The following FMR1 variants were observed in gnomAD, a reference collection of about 807,000 sequenced individuals.
FMR1 encodes the protein FMRP translational regulator 1.
A neutral mutation model predicts 50.6 loss-of-function variants in FMR1; 13 were observed. The ratio of observed to expected loss-of-function variants is 0.26; its 90% CI spans 0.17 to 0.41. The LOEUF is 0.41. FMR1 is among the 10% of genes least tolerant of loss of function. FMR1 has a pLI of 1.00. For synonymous variants in FMR1, 138 were observed against 164.1 expected, an observed-to-expected ratio of 0.84 and a Z score of 1.22; for missense variants, 316 against 491.3, an observed-to-expected ratio of 0.64 and a Z score of 3.37.
intron 1 of FMR1, among the ~76,000 whole-genome samples, chrX:147,915,500 CTGAT>C (rs1212298906): frequency 8.1e-5 from 9 of 111,226 alleles, no homozygotes; most frequent in African/African-American, 2.9e-4. Flanking sequence ...TTCCTACAGT[CTGAT>C]TGCCCTTTTT....
In FMR1 at chrX:147,945,099, T is replaced by C. The variant is rs7054612; in HGVS notation, c.1654+48T>C. 4,675 of 1,161,649 alleles carry C rather than the reference T, an allele frequency of 4.0e-3. 128 individuals carry two copies. The African/African-American group carries it at 0.072, about 18-fold the overall frequency. On this transcript the variant is annotated intron_variant, in intron 15 of 16. Coordinates refer to ENST00000370475, the MANE Select transcript of FMR1 (RefSeq NM_002024.6). The stretch of plus-strand genomic sequence containing the variant: ...ATCAAAGTGAATTGTAACAGCTGTC[T>C]TGAAGTTCCATGAGAAATCCTATTG...
intron 12 of FMR1, chrX:147,940,187 GAAAAA>G (rs1246432591): frequency 1.4e-5 from 1 of 73,957 alleles, no homozygotes; most frequent in Non-Finnish European, 2.7e-5. Context: ...AAACAAAAAA[GAAAAA>G]AAAAAAAGAA....
At position 147,936,754 on chromosome X, in the gene FMR1, T is replaced by C. The variant is rs25713; in HGVS notation, c.990+141T>C. 0.021 allele frequency: 10,075 copies of C among 476,494 alleles called. 727 individuals are homozygous for C. The highest frequency in any genetic ancestry group is 0.21 in the African/African-American group (8,636 of 41,780). 39.3% of individuals were successfully genotyped at this position (476,494 alleles called of 1,213,427 possible). A position where few individuals can be genotyped will look rare whatever the true frequency, so the allele number is the denominator to read the frequency against. ...AGCATGCCTGCTGTAATTAATGTTA[T>C]AATTGTAGATAATGGCCCTTCTCTG... On this transcript the variant is annotated intron_variant, in intron 10 of 16. Coordinates refer to ENST00000370475, the MANE Select transcript of FMR1 (RefSeq NM_002024.6).
At chrX:147,915,024 C>T (rs961073532) in intron 1 of FMR1, among the ~76,000 whole-genome samples, 2 of 111,853 alleles carry the variant, frequency 1.8e-5, no homozygotes, top group African/African-American at 3.2e-5. Context: ...GGAAAAATCA[C>T]ATGTTGGAGA....
intron 14 of FMR1, chrX:147,944,546 C>A: frequency 1.2e-6 from 1 of 854,662 alleles, no homozygotes; most frequent in Non-Finnish European, 1.4e-6. Context: ...ATCTTTTCCT[C>A]CAGAGAGTAT....
intron 16 of FMR1, 155 bp downstream of exon 16, chrX:147,945,771 A>G (rs2044151116): frequency 2.1e-6 from 1 of 483,098 alleles, no homozygotes; most frequent in Non-Finnish European, 3.7e-6. Flanking sequence ...AGTCAATCTT[A>G]GTTCTTTGTG....
intron 13 of FMR1, among the ~76,000 whole-genome samples, chrX:147,941,291 G>C (rs958690012): frequency 3.6e-5 from 4 of 111,341 alleles, no homozygotes; most frequent in Admixed American, 9.5e-5. Context: ...TGAACTAGCT[G>C]TGTGACTTTA....
Position 147,948,730 on chromosome X carries a change from A to G in FMR1, c.1785A>G (p.Leu595=). The change falls in exon 17 of 17, where the codon TTA becomes TTG. Residue 595 remains leucine, a synonymous_variant. Coordinates refer to ENST00000370475, the MANE Select transcript of FMR1 (RefSeq NM_002024.6). ...NNERSVHTKT[L]QNTSSEGSRL... ...AAAGGAGTGTCCACACTAAAACATTACAGAATACCTCCAGTGAAGGTAGTC... is the reference window on the plus strand; with the variant it reads ...AAAGGAGTGTCCACACTAAAACATTGCAGAATACCTCCAGTGAAGGTAGTC... 8.3e-7 allele frequency: 1 copy of G among 1,211,678 alleles called. No homozygotes were observed. Among genetic ancestry groups the G allele is most frequent in the Non-Finnish European group, 1.1e-6 (1 of 895,282 alleles).
chrX:147,916,848 A>T (rs1476975558), intron 1 of FMR1, among the ~76,000 whole-genome samples: 3 of 111,409 alleles, frequency 2.7e-5, no homozygotes, highest in Non-Finnish European at 3.8e-5. Context: ...AGCCAGTCTC[A>T]TGCTTCAGCC....
chrX:147,912,118 T>C lies in FMR1; in HGVS notation c.-62T>C. 1.4e-6 allele frequency: 1 copy of C among 720,252 alleles called. No individual in the cohort carries two copies. The highest frequency in any genetic ancestry group is 6.1e-5 in the Admixed American group (1 of 16,488). 59.4% of individuals were successfully genotyped at this position (720,252 alleles called of 1,213,427 possible). ...CGGCGGCGGCGGCGGCGGCTGGGCC[T>C]CGAGCGCCCGCAGCCCACCTCTCGG... On this transcript the variant is annotated 5_prime_UTR_variant, in exon 1 of 17. Transcript: ENST00000370475.
At chrX:147,920,603 ACT>A (rs2043113958) in intron 1 of FMR1, among the ~76,000 whole-genome samples, 1 of 111,854 alleles carries the variant, frequency 8.9e-6, no homozygotes, top group Admixed American at 9.5e-5. Context: ...CATACTAGAC[ACT>A]CTGCAGTATA....
At chrX:147,928,527 T>C in intron 4 of FMR1, 132 bp from the exon 5 acceptor site, 1 of 740,795 alleles carries the variant, frequency 1.3e-6, no homozygotes. Flanking sequence ...GTTTTCACTA[T>C]GTGTTCAGTA....
At chrX:147,924,345 A>G (rs1379885587) in intron 2 of FMR1, among the ~76,000 whole-genome samples, 1 of 110,311 alleles carries the variant, frequency 9.1e-6, no homozygotes, top group Non-Finnish European at 1.9e-5. Context: ...TAAAACATCG[A>G]CATTATACAT....
chrX:147,933,413 G>T, intron 9 of FMR1: 1 of 972,227 alleles, frequency 1.0e-6, no homozygotes, highest in South Asian at 3.1e-5. Flanking sequence ...TTGAAGATCT[G>T]AACATAGGTT....
chrX:147,943,496 C>A, intron 14 of FMR1, 170 bp downstream of exon 14: 1 of 474,037 alleles, frequency 2.1e-6, no homozygotes, highest in Non-Finnish European at 3.7e-6. Flanking sequence ...TGATGATAAA[C>A]ACGTAGAGTT....
At chrX:147,927,730 C>T (rs965377910) in intron 3 of FMR1, 3 of 112,122 alleles carry the variant, frequency 2.7e-5, no homozygotes, top group African/African-American at 9.8e-5. Context: ...TGTGACAGAC[C>T]AGGAAAGTGA....
Position 147,944,198 on chromosome X carries a change from CTT to C in FMR1, c.1472-667_1472-666del, listed in dbSNP as rs1181751580. On this transcript the variant is annotated intron_variant, in intron 14 of 16. Coordinates refer to ENST00000370475, the MANE Select transcript of FMR1 (RefSeq NM_002024.6). ...TGAATTTCTGCCTCACCGTGGAGCT[CTT>C]TTTCTCCGCTCCTGTCCTCTAAGTC... is the stretch of plus-strand genomic sequence containing the variant. The C allele has an allele frequency of 8.3e-5, 62 of 750,398 alleles. 1 individual carries two copies. In the African/African-American group the frequency reaches 1.3e-3, roughly 16 times the overall value. The allele number at this position is 750,398 out of a possible 1,213,427, so 61.8% of individuals were successfully genotyped here.
In FMR1 at chrX:147,948,974, C is replaced by A; in HGVS notation, c.*130C>A. ...GGGCATGAAATGAACACAAATTATGCTAAGAATTTTTTATTTTTTGGTATT... is the reference window on the plus strand; with the variant it reads ...GGGCATGAAATGAACACAAATTATGATAAGAATTTTTTATTTTTTGGTATT... On this transcript the variant is annotated 3_prime_UTR_variant, in exon 17 of 17. Coordinates refer to ENST00000370475, the MANE Select transcript of FMR1 (RefSeq NM_002024.6). The A allele has an allele frequency of 2.8e-6, 2 of 702,001 alleles. No individual in the cohort carries two copies. The highest frequency in any genetic ancestry group is 4.4e-6 in the Non-Finnish European group (2 of 449,763). The allele number at this position is 702,001 out of a possible 1,213,427, so 57.9% of individuals were successfully genotyped here.
chrX:147,915,619 G>A, intron 1 of FMR1, among the ~76,000 whole-genome samples: 1 of 111,180 alleles, frequency 9.0e-6, no homozygotes. Flanking sequence ...TTAATTAGAT[G>A]CAACATTCAG....
Sources: gnomAD v4.1 joint callset for allele counts (sites outside exome capture counted in the v4.1 genomes callset) on GRCh38, gnomAD v4.1.1 for gene constraint, MANE v1.5 for transcripts, NCBI Gene and HGNC (gene_info 2026-07-23, HGNC 2026-07-21) for gene names.